XXYLT1: variants seen among roughly 807,000 people sequenced by gnomAD.
XXYLT1 encodes UDP-xylose:alpha-xyloside alpha-1,3-xylosyltransferase.
In XXYLT1, 20 loss-of-function variants were observed where a neutral mutation model predicts 28.9. The observed-to-expected ratio is 0.69, with a 90% confidence interval of 0.49 to 1.00. The LOEUF (loss-of-function observed/expected upper bound fraction) is 1.00. Among genes scored for constraint, XXYLT1 ranks in the 50% least tolerant of loss-of-function variants. The probability of loss-of-function intolerance (pLI) is 0.00; values close to 1 mark genes in which losing one functional copy is unlikely to be tolerated. For missense variants in XXYLT1, 542 were observed against 560.1 expected, an observed-to-expected ratio of 0.97 and a Z score of 0.33; for synonymous variants, 257 against 253.8, an observed-to-expected ratio of 1.01 and a Z score of -0.12.
intron 1 of XXYLT1, among the ~76,000 whole-genome samples, chr3:195,230,141 G>C (rs1724237462): frequency 2.6e-5 from 4 of 152,136 alleles, no homozygotes. Flanking sequence ...CAATGATGTT[G>C]AGCACCTTTT....
chr3:195,137,133 G>A (rs1719240712), intron 3 of XXYLT1, among the ~76,000 whole-genome samples: 1 of 152,152 alleles, frequency 6.6e-6, no homozygotes, highest in African/African-American at 2.4e-5. Context: ...TTGCTGTGGG[G>A]GCCAGGACAG....
intron 2 of XXYLT1, among the ~76,000 whole-genome samples, chr3:195,196,359 C>A (rs1360992277): frequency 6.6e-6 from 1 of 152,234 alleles, no homozygotes; most frequent in African/African-American, 2.4e-5. Flanking sequence ...AGCCCTGTGG[C>A]ACTCACCCTG....
rs1002703376 is a variant in XXYLT1, at chr3:195,210,565, G to C, written c.652+16144C>G. ...AGAATCTAATGAAGGGGACCAAAAC[G>C]GGAAATATTACTGTTCAACCAATTT... On this transcript the variant is annotated intron_variant, in intron 2 of 3. Coordinates refer to ENST00000310380, the MANE Select transcript of XXYLT1 (RefSeq NM_152531.5). The surrounding 1 kb of genome is among the most constrained non-coding windows in gnomAD (Gnocchi z 4.8). 6.7e-6 allele frequency among the ~76,000 whole-genome samples: 1 copy of C among 150,154 alleles called. No homozygotes were observed.
chr3:195,117,207 G>C (rs1032890901), intron 3 of XXYLT1, among the ~76,000 whole-genome samples: 4 of 151,714 alleles, frequency 2.6e-5, no homozygotes, highest in Non-Finnish European at 4.4e-5. Flanking sequence ...GCACTAGCTC[G>C]GAAGGACACA....
intron 1 of XXYLT1, among the ~76,000 whole-genome samples, chr3:195,258,380 T>G (rs541709226): frequency 6.6e-6 from 1 of 152,192 alleles, no homozygotes; most frequent in African/African-American, 2.4e-5. Context: ...AAAATGACTA[T>G]AAACAGTTAC....
chr3:195,153,719 T>A (rs1720406003), intron 3 of XXYLT1, among the ~76,000 whole-genome samples: 1 of 152,228 alleles, frequency 6.6e-6, no homozygotes, highest in South Asian at 2.1e-4. Flanking sequence ...AAAATACAAA[T>A]TCTGGCCAAT....
At chr3:195,104,953 A>C (rs1717005812) in intron 3 of XXYLT1, among the ~76,000 whole-genome samples, 3 of 152,234 alleles carry the variant, frequency 2.0e-5, no homozygotes, top group Admixed American at 1.3e-4. Flanking sequence ...GTACATGGTC[A>C]AAACGCAGCT....
chr3:195,084,987 T>A (rs1715639557), intron 3 of XXYLT1, among the ~76,000 whole-genome samples: 1 of 152,178 alleles, frequency 6.6e-6, no homozygotes, highest in South Asian at 2.1e-4. Flanking sequence ...GGCAGCCACT[T>A]CCAGACCCTC....
In XXYLT1 at chr3:195,076,646, G is replaced by T. The variant is rs1480183284; in HGVS notation, c.786-6535C>A. Among the ~76,000 whole-genome samples, 14 of 152,214 alleles carry T rather than the reference G, an allele frequency of 9.2e-5. No homozygotes were observed. Among genetic ancestry groups the T allele is most frequent in the Admixed American group, 9.2e-4 (14 of 15,280 alleles). On this transcript the variant is annotated intron_variant, in intron 3 of 3. Transcript: ENST00000310380. This position sits in a 1 kb window ranked among gnomAD's most constrained non-coding sequence, Gnocchi z 5.3. ...TCCGTTCGGCGGGCTGGAAGTCCAA[G>T]ATCACAGTGCTGGCAGCTGGCTCTG...
intron 3 of XXYLT1, among the ~76,000 whole-genome samples, chr3:195,082,787 T>C (rs1715508833): frequency 6.6e-6 from 1 of 150,998 alleles, no homozygotes; most frequent in Admixed American, 6.6e-5. Flanking sequence ...GGGAAGGAGG[T>C]TGCAGTGAGC....
At chr3:195,234,854 T>G (rs1241083114) in intron 1 of XXYLT1, among the ~76,000 whole-genome samples, 1 of 152,126 alleles carries the variant, frequency 6.6e-6, no homozygotes, top group African/African-American at 2.4e-5. Flanking sequence ...GGGCTAAATC[T>G]GCTTGGTGTT....
intron 1 of XXYLT1, 93 bp downstream of exon 1, chr3:195,270,462 C>G: frequency 7.4e-7 from 1 of 1,342,672 alleles, no homozygotes; most frequent in Non-Finnish European, 9.5e-7. Context: ...ATCCTACCCG[C>G]TAGTTCCCCG....
chr3:195,247,829 T>G (rs1212658747), intron 1 of XXYLT1: 5 of 702,552 alleles, frequency 7.1e-6, no homozygotes, highest in Non-Finnish European at 1.3e-5. Context: ...AAGGGACACA[T>G]CTCACCATAG....
chr3:195,235,426 T>G (rs1577180281), intron 1 of XXYLT1, among the ~76,000 whole-genome samples: 1 of 152,238 alleles, frequency 6.6e-6, no homozygotes, highest in Non-Finnish European at 1.5e-5. Context: ...CTCTGTGCTA[T>G]CTTGAATTTC....
At chr3:195,266,091 GAGA>G (rs1283996782) in intron 1 of XXYLT1, among the ~76,000 whole-genome samples, 1 of 152,192 alleles carries the variant, frequency 6.6e-6, no homozygotes, top group Admixed American at 6.5e-5. Flanking sequence ...AAAGCGCCAT[GAGA>G]AGAATTCAGG....
chr3:195,241,588 C>A (rs1166249288), intron 1 of XXYLT1, among the ~76,000 whole-genome samples: 2 of 152,142 alleles, frequency 1.3e-5, no homozygotes, highest in African/African-American at 4.8e-5. Context: ...GAAGAAAAAT[C>A]TGCTAACGGA....
intron 2 of XXYLT1, among the ~76,000 whole-genome samples, chr3:195,202,404 CAA>C (rs552172950): frequency 5.3e-5 from 3 of 56,112 alleles, no homozygotes; most frequent in East Asian, 5.5e-4. Flanking sequence ...GGTCCCTGGC[CAA>C]AAAAAAAAAA....
At chr3:195,108,098 C>T (rs749331009) in intron 3 of XXYLT1, among the ~76,000 whole-genome samples, 1 of 152,226 alleles carries the variant, frequency 6.6e-6, no homozygotes, top group Non-Finnish European at 1.5e-5. Flanking sequence ...GGCCTTTCAT[C>T]TTACAGAGAG....
intron 2 of XXYLT1, among the ~76,000 whole-genome samples, chr3:195,204,258 G>T (rs955135188): frequency 6.6e-6 from 1 of 151,418 alleles, no homozygotes; most frequent in African/African-American, 2.4e-5. Flanking sequence ...CAGAAAACTC[G>T]CTTGAACCCA....
Sources: gnomAD v4.1 joint callset for allele counts (sites outside exome capture counted in the v4.1 genomes callset) on GRCh38, gnomAD v4.1.1 for gene constraint, Gnocchi (gnomAD v3.1) non-coding constraint, MANE v1.5 for transcripts, NCBI Gene and HGNC (gene_info 2026-07-23, HGNC 2026-07-21) for gene names.